The following PDE1C variants were observed in gnomAD, a reference collection of about 807,000 sequenced individuals.
The protein encoded by PDE1C is dual specificity calcium/calmodulin-dependent 3',5'-cyclic nucleotide phosphodiesterase 1C.
Under a neutral mutation model 93.1 loss-of-function variants are expected in PDE1C, and 62 were observed. The observed-to-expected ratio is 0.67, with a 90% CI of 0.54 to 0.82. The LOEUF (loss-of-function observed/expected upper bound fraction) is 0.82. Ranked by LOEUF, PDE1C falls within the 40% of genes least tolerant of loss-of-function variation. The probability of loss-of-function intolerance (pLI) is 0.00; values close to 1 mark genes in which losing one functional copy is unlikely to be tolerated. For synonymous variants in PDE1C, 325 were observed against 310.1 expected (o/e 1.05, Z -0.50); for missense variants, 742 against 884.6 (o/e 0.84, Z 2.04).
chr7:32,312,087 C>T (rs1783059047), intron 1 of PDE1C, among the ~76,000 whole-genome samples: 1 of 151,436 alleles, frequency 6.6e-6, no homozygotes, highest in Admixed American at 6.6e-5. Flanking sequence ...GTACAAAAAT[C>T]ACAAGCATTC....
intron 2 of PDE1C, among the ~76,000 whole-genome samples, chr7:32,022,689 TA>T (rs1269767646): frequency 1.3e-5 from 2 of 152,054 alleles, no homozygotes; most frequent in Non-Finnish European, 2.9e-5. Context: ...ACTTTAAAGA[TA>T]AAGCAGAATA....
At chr7:32,228,133 A>G (rs1162166325) in intron 1 of PDE1C, among the ~76,000 whole-genome samples, 1 of 152,260 alleles carries the variant, frequency 6.6e-6, no homozygotes, top group Non-Finnish European at 1.5e-5. Flanking sequence ...GCTTCAAGGT[A>G]GTTTGTTACT....
the PDE1C span, among the ~76,000 whole-genome samples, chr7:31,645,512 A>G: frequency 6.6e-6 from 1 of 152,014 alleles, no homozygotes; most frequent in African/African-American, 2.4e-5. Flanking sequence ...AACAAAACCT[A>G]ATGTATGCTG....
intron 3 of PDE1C, among the ~76,000 whole-genome samples, chr7:32,092,175 G>A (rs927511204): frequency 1.3e-5 from 2 of 151,640 alleles, no homozygotes; most frequent in African/African-American, 4.8e-5. Context: ...GAGAGAGAGA[G>A]AGAGAGAGAG....
At chr7:31,849,329 C>G (rs1420199454) in intron 8 of PDE1C, among the ~76,000 whole-genome samples, 2 of 152,198 alleles carry the variant, frequency 1.3e-5, no homozygotes, top group South Asian at 2.1e-4. Flanking sequence ...GTCCTCAGAG[C>G]AAAGGTTCCA....
chr7:32,403,305 G>C (rs1049278088), intron 1 of PDE1C, among the ~76,000 whole-genome samples: 16 of 152,146 alleles, frequency 1.1e-4, no homozygotes, highest in African/African-American at 3.9e-4. Flanking sequence ...TGACTTTAAG[G>C]CATCATTTAT....
chr7:32,072,929 C>T (rs1796144588), upstream of PDE1C, among the ~76,000 whole-genome samples: 1 of 152,150 alleles, frequency 6.6e-6, no homozygotes, highest in Admixed American at 6.5e-5. Flanking sequence ...TTGTTTTCAG[C>T]TTTATGATTC....
At chr7:31,673,752 A>C in the PDE1C span, among the ~76,000 whole-genome samples, 2 of 152,152 alleles carry the variant, frequency 1.3e-5, no homozygotes, top group Admixed American at 6.5e-5. Context: ...CAGTTGTCTC[A>C]ACATCACTGA....
At chr7:32,049,886 T>A (rs1429208273) in intron 2 of PDE1C, among the ~76,000 whole-genome samples, 1 of 152,190 alleles carries the variant, frequency 6.6e-6, no homozygotes, top group African/African-American at 2.4e-5. Flanking sequence ...AGTCACCTTA[T>A]AATAAATGTG....
Position 32,113,148 on chromosome 7 carries a change from T to C in PDE1C, c.308+56637A>G, listed in dbSNP as rs536380715. 6.8e-5 allele frequency among the ~76,000 whole-genome samples: 10 copies of C among 147,648 alleles called. No individual in the cohort carries two copies. In the Admixed American group the frequency reaches 6.8e-4, roughly 10 times the overall value. Reference sequence around the variant, plus strand: ...AGGAGAAATGGGTTGACTAAGATGCTATCAAATCATGACATGAAGTTTCAA... The same window carrying C: ...AGGAGAAATGGGTTGACTAAGATGCCATCAAATCATGACATGAAGTTTCAA... On this transcript the variant is annotated intron_variant, in intron 3 of 18. Coordinates refer to the PDE1C transcript ENST00000396193.
intron 1 of PDE1C, among the ~76,000 whole-genome samples, chr7:32,238,309 T>C (rs548671863): frequency 6.6e-6 from 1 of 152,336 alleles, no homozygotes; most frequent in South Asian, 2.1e-4. Flanking sequence ...AAAACCATTA[T>C]GAAGAAACTT....
At chr7:32,258,938 C>A (rs1810001375) in intron 1 of PDE1C, among the ~76,000 whole-genome samples, 1 of 152,188 alleles carries the variant, frequency 6.6e-6, no homozygotes, top group Admixed American at 6.5e-5. Flanking sequence ...CCTCTTGGAG[C>A]TGCTGGGAAG....
chr7:31,915,350 C>T (rs1461000123), intron 2 of PDE1C, among the ~76,000 whole-genome samples: 1 of 152,164 alleles, frequency 6.6e-6, no homozygotes, highest in Admixed American at 6.5e-5. Flanking sequence ...TTATGCATCA[C>T]AGTCCTTCAA....
chr7:32,067,829 G>T (rs1795579423), intron 1 of PDE1C, among the ~76,000 whole-genome samples: 1 of 152,158 alleles, frequency 6.6e-6, no homozygotes, highest in Admixed American at 6.5e-5. Flanking sequence ...ATATTTAAAA[G>T]CTCACATTTG....
the PDE1C span, among the ~76,000 whole-genome samples, chr7:31,744,092 A>G: frequency 6.6e-6 from 1 of 152,200 alleles, no homozygotes; most frequent in African/African-American, 2.4e-5. Context: ...TAATAAATAT[A>G]CATTAATGGT....
chr7:31,856,443 C>T (rs187743019), intron 7 of PDE1C, among the ~76,000 whole-genome samples: 292 of 152,286 alleles, frequency 1.9e-3, no homozygotes, highest in African/African-American at 6.5e-3. Context: ...AAATCATGAT[C>T]ACTGCTATGA....
Position 32,420,122 on chromosome 7 carries a change from T to TACACAC in PDE1C, c.310+7699_310+7700insGTGTGT, listed in dbSNP as rs1210571351. 4.1e-4 allele frequency among the ~76,000 whole-genome samples: 8 copies of TACACAC among 19,564 alleles called. 1 individual carries two copies. Among genetic ancestry groups the TACACAC allele is most frequent in the African/African-American group, 1.2e-3 (8 of 6,650 alleles). 12.8% of individuals were successfully genotyped at this position (19,564 alleles called of 152,430 possible). A position where few individuals can be genotyped will look rare whatever the true frequency, so the allele number is the denominator to read the frequency against. ...ATATATATATATATATATATATATA[T>TACACAC]ATACACACACACACACACACACACA... On this transcript the variant is annotated intron_variant, in intron 1 of 1. Transcript: ENST00000672256.
intron 17 of PDE1C, among the ~76,000 whole-genome samples, chr7:31,758,648 C>G (rs1205626176): frequency 6.6e-6 from 1 of 152,162 alleles, no homozygotes; most frequent in Admixed American, 6.5e-5. Flanking sequence ...CAGCAAATGG[C>G]TCTGTTGTTA....
In PDE1C at chr7:32,331,889, C is replaced by G. The variant is rs531115071; in HGVS notation, c.310+95933G>C. 2.6e-5 allele frequency among the ~76,000 whole-genome samples: 4 copies of G among 152,266 alleles called. No individual in the cohort carries two copies. In the South Asian group the frequency reaches 6.2e-4, roughly 24 times the overall value. ...GGCCAGGAGGTAGGGCCAGTCCTAT[C>G]CCTTGATATGGCTCAGAGCCACAAG... is the stretch of plus-strand genomic sequence containing the variant. On this transcript the variant is annotated intron_variant, in intron 1 of 1. Transcript: ENST00000672256.
Sources: gnomAD v4.1 joint callset for allele counts (sites outside exome capture counted in the v4.1 genomes callset) on GRCh38, gnomAD v4.1.1 for gene constraint, MANE v1.5 for transcripts, NCBI Gene and HGNC (gene_info 2026-07-23, HGNC 2026-07-21) for gene names.